Variants in NRG3 observed in about 807,000 individuals in gnomAD.
NRG3 encodes the protein pro-neuregulin-3, membrane-bound isoform.
Under a neutral mutation model 66.9 loss-of-function variants are expected in NRG3, and 31 were observed. That is an observed-to-expected ratio of 0.46 (90% CI 0.35 to 0.63). The LOEUF is 0.63. NRG3 is among the 20% of genes least tolerant of loss of function. The pLI is 0.00. For synonymous variants in NRG3, 393 were observed against 359.4 expected, an observed-to-expected ratio of 1.09 and a Z score of -1.06; for missense variants, 910 against 878.9, an observed-to-expected ratio of 1.04 and a Z score of -0.45.
chr10:82,154,373 A>G (rs555727933), intron 1 of NRG3, among the ~76,000 whole-genome samples: 3 of 152,042 alleles, frequency 2.0e-5, no homozygotes, highest in Admixed American at 6.6e-5. Context: ...TCAAAAATCA[A>G]TTGACTATAA....
chr10:82,642,545 G>C (rs1018180464), intron 2 of NRG3, among the ~76,000 whole-genome samples: 6 of 151,216 alleles, frequency 4.0e-5, no homozygotes, highest in Non-Finnish European at 7.4e-5. Context: ...AGATGATGGA[G>C]AAATATATGA....
chr10:82,773,725 C>T (rs1349186316), intron 3 of NRG3, among the ~76,000 whole-genome samples: 3 of 152,074 alleles, frequency 2.0e-5, no homozygotes, highest in African/African-American at 7.2e-5. Flanking sequence ...CTCTTGCTAG[C>T]ACTTCCAGTA....
At position 82,189,022 on chromosome 10, in the gene NRG3, C is replaced by T. The variant is rs547272267; in HGVS notation, c.824-169717C>T. Among the ~76,000 whole-genome samples, 22 of 151,978 alleles carry T rather than the reference C, an allele frequency of 1.4e-4. No homozygotes were observed. The East Asian group carries it at 3.9e-3, about 27-fold the overall frequency. ...ACAAAAATTAAAAATTTTAAAAAGC[C>T]ATGAAATAATTAAGTAAACTGGATA... On this transcript the variant is annotated intron_variant, in intron 1 of 8. Transcript: ENST00000372141.
chr10:82,783,417 G>T (rs2060204271), intron 3 of NRG3, among the ~76,000 whole-genome samples: 1 of 151,458 alleles, frequency 6.6e-6, no homozygotes, highest in South Asian at 2.1e-4. Flanking sequence ...AAATCAAATT[G>T]TCCCTGTTTG....
intron 2 of NRG3, among the ~76,000 whole-genome samples, chr10:82,552,651 C>T (rs566499527): frequency 2.0e-5 from 3 of 152,236 alleles, no homozygotes; most frequent in African/African-American, 7.2e-5. Flanking sequence ...GTCAGGGCTA[C>T]CTTCTTGATC....
At chr10:82,964,590 A>G (rs577855865) in intron 6 of NRG3, among the ~76,000 whole-genome samples, 5 of 152,326 alleles carry the variant, frequency 3.3e-5, no homozygotes, top group Admixed American at 6.5e-5. Context: ...TTAATTACCT[A>G]CATTAGAAAT....
At chr10:82,909,093 G>A (rs144255320) in intron 4 of NRG3, among the ~76,000 whole-genome samples, 5 of 152,320 alleles carry the variant, frequency 3.3e-5, no homozygotes, top group African/African-American at 4.8e-5. Flanking sequence ...CATGCCTTGC[G>A]TAGAAAGACT....
intron 4 of NRG3, among the ~76,000 whole-genome samples, chr10:82,917,970 G>GTATATATATATATA (rs1171736937): frequency 9.6e-5 from 11 of 113,996 alleles, no homozygotes; most frequent in Admixed American, 2.7e-4. Flanking sequence ...GTGTGTGTGT[G>GTATATATATATATA]TATATATATA....
intron 2 of NRG3, among the ~76,000 whole-genome samples, chr10:82,401,404 A>G (rs2087094493): frequency 6.6e-6 from 1 of 151,824 alleles, no homozygotes; most frequent in Non-Finnish European, 1.5e-5. Flanking sequence ...ATAGACACAC[A>G]CATATACATA....
intron 2 of NRG3, among the ~76,000 whole-genome samples, chr10:82,671,407 A>G (rs2053262531): frequency 6.6e-6 from 1 of 152,194 alleles, no homozygotes; most frequent in African/African-American, 2.4e-5. Context: ...GGCTAAAGCA[A>G]GCATCTTTGA....
chr10:82,127,124 C>T (rs187465533), intron 1 of NRG3, among the ~76,000 whole-genome samples: 2 of 152,260 alleles, frequency 1.3e-5, no homozygotes, highest in Admixed American at 1.3e-4. Context: ...CATGCGGCTT[C>T]AGCTCCATGC....
chr10:82,847,246 T>G (rs1483852352), intron 3 of NRG3, among the ~76,000 whole-genome samples: 2 of 152,184 alleles, frequency 1.3e-5, no homozygotes, highest in Admixed American at 6.5e-5. Flanking sequence ...TGCTCCAGTC[T>G]TATAAAACAG....
chr10:82,336,419 T>A (rs1204316232), intron 1 of NRG3, among the ~76,000 whole-genome samples: 1 of 152,190 alleles, frequency 6.6e-6, no homozygotes, highest in Non-Finnish European at 1.5e-5. Context: ...AGTAGATTTC[T>A]AGCCTACTAT....
Position 82,153,088 on chromosome 10 carries a change from T to C in NRG3, c.824-205651T>C, listed in dbSNP as rs181159885. On this transcript the variant is annotated intron_variant, in intron 1 of 8. Transcript: ENST00000372141. ...GATGAGAACTTTTAAAATCTACTCT[T>C]TTAGCAATTTTAGCTATGTAATATA... 1.3e-3 allele frequency among the ~76,000 whole-genome samples: 191 copies of C among 152,206 alleles called. 1 individual carries two copies. The highest frequency in any genetic ancestry group is 2.1e-3 in the Non-Finnish European group (145 of 68,002).
At chr10:82,900,444 A>G (rs555147300) in intron 4 of NRG3, among the ~76,000 whole-genome samples, 30 of 152,284 alleles carry the variant, frequency 2.0e-4, no homozygotes, top group African/African-American at 7.0e-4. Flanking sequence ...ATTATTATAA[A>G]TGTCTTAAAG....
intron 2 of NRG3, among the ~76,000 whole-genome samples, chr10:82,364,945 G>A (rs1209627071): frequency 2.0e-5 from 3 of 152,142 alleles, no homozygotes; most frequent in East Asian, 1.9e-4. Context: ...ATTGGGAAGG[G>A]CAAAGGGAAC....
intron 2 of NRG3, among the ~76,000 whole-genome samples, chr10:82,400,008 CT>C (rs1208193459): frequency 3.3e-5 from 5 of 152,060 alleles, no homozygotes; most frequent in Non-Finnish European, 5.9e-5. Flanking sequence ...GATGTCTGCC[CT>C]TAAGGGAGAT....
At chr10:82,739,030 G>A (rs770208437) in intron 3 of NRG3, among the ~76,000 whole-genome samples, 2 of 152,124 alleles carry the variant, frequency 1.3e-5, no homozygotes, top group Admixed American at 6.5e-5. Context: ...CGCTTCTTAC[G>A]CTTTGGTTGT....
intron 3 of NRG3, among the ~76,000 whole-genome samples, chr10:82,797,127 GCGTT>G (rs2060832719): frequency 6.6e-6 from 1 of 152,124 alleles, no homozygotes; most frequent in South Asian, 2.1e-4. Context: ...TTACTCCATT[GCGTT>G]CGACACTGTT....
Sources: gnomAD v4.1 joint callset for allele counts (sites outside exome capture counted in the v4.1 genomes callset) on GRCh38, gnomAD v4.1.1 for gene constraint, MANE v1.5 for transcripts, NCBI Gene and HGNC (gene_info 2026-07-23, HGNC 2026-07-21) for gene names.